Variants in LY86 observed in about 807,000 individuals in gnomAD.
LY86 encodes the protein MD-1, RP105-associated.
Under a neutral mutation model 17.3 loss-of-function variants are expected in LY86, and 20 were observed. That is an observed-to-expected ratio of 1.15 (90% CI 0.81 to 1.68). LY86 has a LOEUF of 1.68. Ranked by LOEUF, LY86 falls within the 40% of genes most tolerant of loss-of-function variation. LY86 has a pLI of 0.00. For missense variants in LY86, 200 were observed against 191.9 expected (o/e 1.04, Z -0.25); for synonymous variants, 74 against 70.6 (o/e 1.05, Z -0.24).
chr6:6,626,153 AAAGAAG>A lies in LY86; in HGVS notation c.224-137_224-132del, dbSNP rs1761782798. On this transcript the variant is annotated intron_variant, in intron 2 of 4. Transcript: ENST00000230568. ...TTGCCTAAATGCTGTTTTACCAAGGAAAGAAGAAAACTGTTCCCCACACAGAGAAGA... is the reference window on the plus strand; with the variant it reads ...TTGCCTAAATGCTGTTTTACCAAGGAAAAACTGTTCCCCACACAGAGAAGA... 4.5e-5 allele frequency: 35 copies of A among 781,008 alleles called. No individual in the cohort carries two copies. The South Asian group carries it at 6.7e-4, about 15-fold the overall frequency. The allele number at this position is 781,008 out of a possible 1,614,324, so 48.4% of individuals were successfully genotyped here. A position where few individuals can be genotyped will look rare whatever the true frequency, so the allele number is the denominator to read the frequency against.
chr6:6,610,451 C>A (rs2113113305), intron 1 of LY86, among the ~76,000 whole-genome samples: 1 of 152,342 alleles, frequency 6.6e-6, no homozygotes, highest in South Asian at 2.1e-4. Context: ...GCCCTGGCCT[C>A]TGGGGCATCT....
rs200582559 is a variant in LY86 at position 6,603,523 on chromosome 6, TA to T, written c.136+14661del. ...TTTAAATATATAGCTGAGCTTGCAA[TA>T]AAAAAAATAGCAACAACAACAAAAT... On this transcript the variant is annotated intron_variant, in intron 1 of 4. Coordinates refer to ENST00000230568, the MANE Select transcript of LY86 (RefSeq NM_004271.4). Among the ~76,000 whole-genome samples, 13 of 136,394 alleles carry T rather than the reference TA, an allele frequency of 9.5e-5. No homozygotes were observed. In the East Asian group the frequency reaches 1.9e-3, roughly 20 times the overall value. 89.5% of individuals were successfully genotyped at this position (136,394 alleles called of 152,430 possible).
intron 1 of LY86, among the ~76,000 whole-genome samples, chr6:6,611,776 A>T (rs2113116153): frequency 6.7e-6 from 1 of 149,220 alleles, no homozygotes; most frequent in East Asian, 2.0e-4. Context: ...CACAGTGCCT[A>T]TCAAACAGTA....
At chr6:6,603,876 A>T (rs1761006365) in intron 1 of LY86, among the ~76,000 whole-genome samples, 1 of 152,094 alleles carries the variant, frequency 6.6e-6, no homozygotes. Context: ...AAGAAACAGA[A>T]AAAAGCAGGT....
chr6:6,611,373 T>C (rs2113114994), intron 1 of LY86, among the ~76,000 whole-genome samples: 1 of 152,320 alleles, frequency 6.6e-6, no homozygotes, highest in East Asian at 1.9e-4. Flanking sequence ...CTGCCTCAGT[T>C]TTCCCAATTC....
intron 1 of LY86, among the ~76,000 whole-genome samples, chr6:6,604,395 T>C (rs562587322): frequency 6.6e-6 from 1 of 151,868 alleles, no homozygotes; most frequent in Non-Finnish European, 1.5e-5. Context: ...TCAGGGAGGT[T>C]TGAAAATAAA....
intron 1 of LY86, among the ~76,000 whole-genome samples, chr6:6,600,706 T>A (rs1211735277): frequency 1.3e-5 from 2 of 150,080 alleles, no homozygotes; most frequent in African/African-American, 2.5e-5. Flanking sequence ...TTTCTCCAAA[T>A]GTAGAAAAGC....
chr6:6,604,760 C>T (rs1424213399), intron 1 of LY86, among the ~76,000 whole-genome samples: 1 of 151,914 alleles, frequency 6.6e-6, no homozygotes, highest in East Asian at 1.9e-4. Flanking sequence ...TAGCAACGTG[C>T]TTCCCACAGT....
chr6:6,654,409 T>C (rs1762230560), intron 4 of LY86, 135 bp from the exon 5 acceptor site: 1 of 662,340 alleles, frequency 1.5e-6, no homozygotes, highest in Admixed American at 2.4e-5. Flanking sequence ...GGGCAGGGGT[T>C]GGCTTGTCTT....
chr6:6,653,201 C>T (rs1015833025), intron 4 of LY86, among the ~76,000 whole-genome samples: 2 of 152,146 alleles, frequency 1.3e-5, no homozygotes, highest in African/African-American at 2.4e-5. Flanking sequence ...TTGGGGACTC[C>T]ACTCTCTTTG....
chr6:6,612,562 C>T (rs6914337), intron 1 of LY86, among the ~76,000 whole-genome samples: 7,798 of 152,208 alleles, frequency 0.051, 283 homozygotes, highest in African/African-American at 0.096. Flanking sequence ...AACCAGTTGT[C>T]ACTAGTGGAG....
At chr6:6,597,018 C>G (rs1465338637) in intron 1 of LY86, among the ~76,000 whole-genome samples, 1 of 152,184 alleles carries the variant, frequency 6.6e-6, no homozygotes, top group African/African-American at 2.4e-5. Flanking sequence ...CAGCTCCGCT[C>G]ATGTTTTGGG....
chr6:6,599,272 G>A (rs1267594577), intron 1 of LY86, among the ~76,000 whole-genome samples: 1 of 152,130 alleles, frequency 6.6e-6, no homozygotes, highest in African/African-American at 2.4e-5. Context: ...CGAGAGATGA[G>A]GTCTTCAGGA....
intron 1 of LY86, among the ~76,000 whole-genome samples, chr6:6,609,636 C>T (rs1761282371): frequency 6.6e-6 from 1 of 152,190 alleles, no homozygotes; most frequent in South Asian, 2.1e-4. Context: ...GTTTATGAGT[C>T]AGCTCTGCCA....
intron 1 of LY86, among the ~76,000 whole-genome samples, chr6:6,598,970 C>G (rs1760813424): frequency 6.6e-6 from 1 of 152,178 alleles, no homozygotes; most frequent in South Asian, 2.1e-4. Context: ...GCCTGATATT[C>G]TGCCTAATTT....
chr6:6,638,827 G>A (rs1761997730), intron 3 of LY86, among the ~76,000 whole-genome samples: 1 of 104,620 alleles, frequency 9.6e-6, no homozygotes, highest in Non-Finnish European at 1.8e-5. Flanking sequence ...CCCCACAACA[G>A]TCCCCAGAGT....
chr6:6,650,584 C>T (rs760051329), intron 4 of LY86, among the ~76,000 whole-genome samples: 2 of 152,154 alleles, frequency 1.3e-5, no homozygotes, highest in Non-Finnish European at 2.9e-5. Flanking sequence ...CCACCCGCCT[C>T]GGCCTCCCAA....
intron 1 of LY86, among the ~76,000 whole-genome samples, chr6:6,601,259 C>T (rs1255822207): frequency 1.3e-5 from 2 of 152,132 alleles, no homozygotes; most frequent in South Asian, 2.1e-4. Flanking sequence ...GGTAGGAGAA[C>T]AGGCAACGGA....
intron 1 of LY86, among the ~76,000 whole-genome samples, chr6:6,592,853 C>G (rs539222423): frequency 6.6e-6 from 1 of 152,168 alleles, no homozygotes; most frequent in Admixed American, 6.5e-5. Context: ...TTAAGCCCCC[C>G]AGTCTATATA....
Sources: gnomAD v4.1 joint callset for allele counts (sites outside exome capture counted in the v4.1 genomes callset) on GRCh38, gnomAD v4.1.1 for gene constraint, MANE v1.5 for transcripts, NCBI Gene and HGNC (gene_info 2026-07-23, HGNC 2026-07-21) for gene names.